Variants in ARID2 observed in about 807,000 individuals in gnomAD.
The protein encoded by ARID2 is AT-rich interactive domain-containing protein 2.
A neutral mutation model predicts 184.6 loss-of-function variants in ARID2; 32 were observed. The observed-to-expected ratio is 0.17, with a 90% CI of 0.13 to 0.23. ARID2 has a LOEUF of 0.23. Ranked by LOEUF, ARID2 falls within the 10% of genes least tolerant of loss-of-function variation. The probability of loss-of-function intolerance (pLI) is 1.00; values close to 1 mark genes in which losing one functional copy is unlikely to be tolerated. For missense variants in ARID2, 1,696 were observed against 2,197.6 expected (o/e 0.77, Z 4.56); for synonymous variants, 836 against 772.6 (o/e 1.08, Z -1.36).
intron 16 of ARID2, among the ~76,000 whole-genome samples, chr12:45,890,876 A>G (rs906150241): frequency 6.6e-6 from 1 of 152,084 alleles, no homozygotes; most frequent in Non-Finnish European, 1.5e-5. Flanking sequence ...TCTTAAAGAT[A>G]TTGATTATGG....
At chr12:45,835,215 A>G (rs1380677645) in intron 6 of ARID2, among the ~76,000 whole-genome samples, 1 of 152,106 alleles carries the variant, frequency 6.6e-6, no homozygotes, top group East Asian at 1.9e-4. Flanking sequence ...TCTTTCATAT[A>G]GTTTTAATTC....
intron 20 of ARID2, among the ~76,000 whole-genome samples, chr12:45,895,735 A>G (rs1004631960): frequency 1.3e-5 from 2 of 152,074 alleles, no homozygotes; most frequent in Non-Finnish European, 2.9e-5. Context: ...GAGTTTCACC[A>G]TGTTGGCCAG....
intron 3 of ARID2, among the ~76,000 whole-genome samples, chr12:45,742,230 T>C (rs1941272794): frequency 6.6e-6 from 1 of 152,366 alleles, no homozygotes; most frequent in South Asian, 2.1e-4. Context: ...ACTGCATATA[T>C]GACTGTGTTT....
At chr12:45,841,929 C>T (rs1313287670) in intron 11 of ARID2, 1 of 151,936 alleles carries the variant, frequency 6.6e-6, no homozygotes, top group Non-Finnish European at 1.5e-5. Context: ...TAAAGTTTTT[C>T]AATTCCTTGT....
rs746334291 is a variant in ARID2 at position 45,860,910 on chromosome 12, C to G, written c.4883C>G (p.Pro1628Arg). 1.9e-6 allele frequency: 3 copies of G among 1,599,004 alleles called. No homozygotes were observed. Among genetic ancestry groups the G allele is most frequent in the Non-Finnish European group, 2.6e-6 (3 of 1,172,548 alleles). ...SSQPGDPMRKPGQNFMCLWQS... is the reference protein window; with the variant it reads ...SSQPGDPMRKRGQNFMCLWQS... Reference sequence around the variant, plus strand: ...CAGCCTGGAGATCCAATGAGAAAACCTGGACAGAACTTCATGTGTCTGTGG... The same window carrying G: ...CAGCCTGGAGATCCAATGAGAAAACGTGGACAGAACTTCATGTGTCTGTGG... The change falls in exon 16 of 21, where the codon CCT (proline) becomes CGT (arginine). Residue 1628 changes from proline (P) to arginine (R), a missense_variant. This residue lies in a region of ARID2 where 111 missense variants were observed against 154.0 expected (regional missense o/e 0.72). Transcript: ENST00000334344.
chr12:45,762,340 A>G (rs769876561), intron 3 of ARID2, among the ~76,000 whole-genome samples: 2 of 152,182 alleles, frequency 1.3e-5, no homozygotes, highest in African/African-American at 2.4e-5. Context: ...CCTGTTTCTT[A>G]GGGACACTTG....
intron 16 of ARID2, among the ~76,000 whole-genome samples, chr12:45,866,811 T>C (rs974105830): frequency 1.3e-5 from 2 of 152,238 alleles, no homozygotes; most frequent in Non-Finnish European, 2.9e-5. Flanking sequence ...ACATTTGTTA[T>C]AACTGGTTAA....
intron 3 of ARID2, among the ~76,000 whole-genome samples, chr12:45,799,765 A>G (rs1176167874): frequency 1.3e-5 from 2 of 152,206 alleles, no homozygotes; most frequent in African/African-American, 2.4e-5. Context: ...CAAAAGATAT[A>G]GAAAACAAAA....
chr12:45,850,662 A>G lies in ARID2; in HGVS notation c.2539A>G (p.Ile847Val). The change falls in exon 15 of 21, where the codon ATC becomes GTC. Residue 847 changes from isoleucine to valine, a missense_variant. By Grantham distance (29) the Ile-to-Val change is conservative. Around this residue, in one of 11 missense-constraint regions of ARID2, gnomAD observed 713 missense variants for 824.4 expected, o/e 0.86. Coordinates refer to ENST00000334344, the MANE Select transcript of ARID2 (RefSeq NM_152641.4). ...TGGTAGCCAGTCACAAGATACTGTTATCATAGCACCCCCACAGTATGTAAC... is the reference window on the plus strand; with the variant it reads ...TGGTAGCCAGTCACAAGATACTGTTGTCATAGCACCCCCACAGTATGTAAC... ...SAGSQSQDTV[I>V]IAPPQYVTTS... is the part of the protein sequence containing the mutation. 1 of 1,614,150 alleles carries G rather than the reference A, an allele frequency of 6.2e-7. No individual in the cohort carries two copies. The highest frequency in any genetic ancestry group is 1.1e-5 in the South Asian group (1 of 91,086).
chr12:45,885,578 C>G (rs1944172485), intron 16 of ARID2, among the ~76,000 whole-genome samples: 1 of 152,192 alleles, frequency 6.6e-6, no homozygotes, highest in Admixed American at 6.5e-5. Context: ...ATGAAACTAT[C>G]TGTATTGTCC....
intron 20 of ARID2, among the ~76,000 whole-genome samples, chr12:45,903,695 GA>G (rs1480084718): frequency 2.6e-5 from 4 of 151,936 alleles, no homozygotes; most frequent in African/African-American, 9.7e-5. Context: ...TTTTGATTTT[GA>G]ATTTTTGCAT....
rs766555983 is a variant in ARID2 at position 45,817,688 on chromosome 12, A to G, written c.437A>G (p.Tyr146Cys). ...HSVSDYLRQS[Y>C]GLSMDFNSPN... ...TTGTTAGATTATCTGCGTCAAAGTTATGGGCTGTCCATGGACTTTAATTCG... is the reference window on the plus strand; with the variant it reads ...TTGTTAGATTATCTGCGTCAAAGTTGTGGGCTGTCCATGGACTTTAATTCG... The change falls in exon 5 of 21, where the codon TAT (tyrosine) becomes TGT (cysteine). Residue 146 changes from tyrosine to cysteine, a missense_variant. Around this residue, in one of 11 missense-constraint regions of ARID2, gnomAD observed 148 missense variants for 285.4 expected, o/e 0.52. Coordinates refer to ENST00000334344, the MANE Select transcript of ARID2 (RefSeq NM_152641.4). 1.9e-6 allele frequency: 3 copies of G among 1,609,484 alleles called. No individual in the cohort carries two copies. The African/African-American group carries it at 4.0e-5, about 22-fold the overall frequency.
chr12:45,760,553 C>G (rs566579169), intron 3 of ARID2, among the ~76,000 whole-genome samples: 17 of 151,968 alleles, frequency 1.1e-4, no homozygotes, highest in Admixed American at 1.1e-3. Flanking sequence ...TTTTTGCACA[C>G]AGATTTTTAG....
chr12:45,881,914 G>T, intron 16 of ARID2: 1 of 203,358 alleles, frequency 4.9e-6, no homozygotes, highest in Non-Finnish European at 1.0e-5. Context: ...CCAGAGCCGT[G>T]GAACATGCCA....
chr12:45,863,313 A>G (rs534364247), intron 16 of ARID2, among the ~76,000 whole-genome samples: 283 of 152,372 alleles, frequency 1.9e-3, no homozygotes, highest in Non-Finnish European at 3.0e-3. Flanking sequence ...ACATGAAAAG[A>G]GAAATGGCTC....
At chr12:45,765,739 G>C (rs1412591612) in intron 3 of ARID2, among the ~76,000 whole-genome samples, 2 of 152,016 alleles carry the variant, frequency 1.3e-5, no homozygotes, top group East Asian at 3.9e-4. Flanking sequence ...AATTTGGTAG[G>C]TTTCGACATG....
At chr12:45,861,901 T>C (rs1257547920) in intron 16 of ARID2, among the ~76,000 whole-genome samples, 2 of 152,162 alleles carry the variant, frequency 1.3e-5, no homozygotes, top group Non-Finnish European at 2.9e-5. Flanking sequence ...CATAACACTG[T>C]TCATTTTTTA....
At chr12:45,773,942 GTTAT>G (rs1428829435) in intron 3 of ARID2, among the ~76,000 whole-genome samples, 1 of 152,240 alleles carries the variant, frequency 6.6e-6, no homozygotes, top group African/African-American at 2.4e-5. Context: ...ATAGCAGTAA[GTTAT>G]TTATCTTCCC....
At chr12:45,877,091 CAAA>C (rs35277117) in intron 16 of ARID2, among the ~76,000 whole-genome samples, 9 of 57,426 alleles carry the variant, frequency 1.6e-4, no homozygotes, top group Admixed American at 2.0e-4. Flanking sequence ...GACTCCATCT[CAAA>C]AAAAAAAAAA....
Sources: gnomAD v4.1 joint callset for allele counts (sites outside exome capture counted in the v4.1 genomes callset) on GRCh38, gnomAD v4.1.1 for gene constraint, gnomAD v4.1.1 regional missense constraint, MANE v1.5 for transcripts, NCBI Gene and HGNC (gene_info 2026-07-23, HGNC 2026-07-21) for gene names.